The following TMEM132D variants were observed in gnomAD, a reference collection of about 807,000 sequenced individuals.
TMEM132D encodes mature OL transmembrane protein.
In TMEM132D, 21 loss-of-function variants were observed where a neutral mutation model predicts 62.3. That is an observed-to-expected ratio of 0.34 (90% CI 0.24 to 0.49). The LOEUF (loss-of-function observed/expected upper bound fraction) is 0.49, where lower values mean the gene tolerates loss of function less well. Ranked by LOEUF, TMEM132D falls within the 20% of genes least tolerant of loss-of-function variation. The probability of loss-of-function intolerance (pLI) is 0.99; values close to 1 mark genes in which losing one functional copy is unlikely to be tolerated. For synonymous variants in TMEM132D, 621 were observed against 575.6 expected (o/e 1.08, Z -1.13); for missense variants, 1,346 against 1,402.8 (o/e 0.96, Z 0.65).
At chr12:129,807,218 C>G (rs548696175) in intron 1 of TMEM132D, among the ~76,000 whole-genome samples, 91 of 152,282 alleles carry the variant, frequency 6.0e-4, no homozygotes, top group African/African-American at 2.1e-3. Flanking sequence ...GAGCAGCTAC[C>G]CCTGTAGCCA....
At chr12:129,543,425 T>A (rs1445010006) in intron 2 of TMEM132D, among the ~76,000 whole-genome samples, 1 of 151,976 alleles carries the variant, frequency 6.6e-6, no homozygotes, top group East Asian at 1.9e-4. Context: ...TAGATAGATA[T>A]TCCTCAACTT....
chr12:129,747,519 C>T lies in TMEM132D; in HGVS notation c.80-46821G>A, dbSNP rs556592733. On this transcript the variant is annotated intron_variant, in intron 1 of 8. Coordinates refer to ENST00000422113, the MANE Select transcript of TMEM132D (RefSeq NM_133448.3). ...ACACACACTCAGACACACACACACT[C>T]TCACACATTCAGACACACACACTCT... 8.7e-5 allele frequency among the ~76,000 whole-genome samples: 13 copies of T among 149,640 alleles called. No homozygotes were observed. In the South Asian group the frequency reaches 2.3e-3, roughly 27 times the overall value.
chr12:129,620,230 C>T (rs1012743050), intron 2 of TMEM132D, among the ~76,000 whole-genome samples: 9 of 152,192 alleles, frequency 5.9e-5, no homozygotes, highest in Non-Finnish European at 8.8e-5. Flanking sequence ...GTGGCAGCCA[C>T]TTCCCTGCTC....
rs1156279500 is a variant in TMEM132D, at chr12:129,388,608, C to T, written c.1116-50791G>A. On this transcript the variant is annotated intron_variant, in intron 3 of 8. Coordinates refer to ENST00000422113, the MANE Select transcript of TMEM132D (RefSeq NM_133448.3). ...ACCGACACCAATACTAACACCAACA[C>T]CAATCCAGCACTGATGATAATATTA... Among the ~76,000 whole-genome samples the T allele has an allele frequency of 1.6e-5, 2 of 122,656 alleles. 1 individual carries two copies. Among genetic ancestry groups the T allele is most frequent in the Non-Finnish European group, 3.8e-5 (2 of 52,736 alleles). 80.5% of individuals were successfully genotyped at this position (122,656 alleles called of 152,430 possible).
chr12:129,296,881 C>T (rs1000431571), intron 4 of TMEM132D, among the ~76,000 whole-genome samples: 1 of 152,222 alleles, frequency 6.6e-6, no homozygotes, highest in African/African-American at 2.4e-5. Flanking sequence ...AAGCACCAGA[C>T]ATTGCTCACT....
At chr12:129,201,798 G>C (rs1178933963) in intron 5 of TMEM132D, among the ~76,000 whole-genome samples, 1 of 152,098 alleles carries the variant, frequency 6.6e-6, no homozygotes, top group Non-Finnish European at 1.5e-5. Flanking sequence ...GAAGGAGGGA[G>C]GGAGAGGAAG....
chr12:129,212,552 T>C (rs1157719621), intron 4 of TMEM132D: 1 of 152,256 alleles, frequency 6.6e-6, no homozygotes, highest in Non-Finnish European at 1.5e-5. Context: ...ACTGCTCTGA[T>C]TTTTGGACCC....
chr12:129,251,220 G>A (rs1385736874), intron 4 of TMEM132D, among the ~76,000 whole-genome samples: 2 of 152,084 alleles, frequency 1.3e-5, no homozygotes, highest in South Asian at 2.1e-4. Flanking sequence ...TTAGCCGGGT[G>A]TGGTAGTGTG....
At chr12:129,390,614 G>T (rs1004799282) in intron 3 of TMEM132D, among the ~76,000 whole-genome samples, 4 of 152,182 alleles carry the variant, frequency 2.6e-5, no homozygotes, top group African/African-American at 9.7e-5. Context: ...TATAGAAGGA[G>T]CCAGAAGGTC....
chr12:129,310,150 C>G (rs1232309553), intron 4 of TMEM132D, among the ~76,000 whole-genome samples: 3 of 152,132 alleles, frequency 2.0e-5, no homozygotes, highest in Admixed American at 1.3e-4. Context: ...CACAACTGTG[C>G]GTGATTGCTA....
chr12:129,535,359 T>A (rs1485462296), intron 2 of TMEM132D, among the ~76,000 whole-genome samples: 1 of 152,196 alleles, frequency 6.6e-6, no homozygotes, highest in Non-Finnish European at 1.5e-5. Context: ...TGGACAGCCG[T>A]ATCCCCACTG....
intron 5 of TMEM132D, among the ~76,000 whole-genome samples, chr12:129,132,154 C>T (rs1457431447): frequency 1.3e-5 from 2 of 152,152 alleles, no homozygotes; most frequent in Non-Finnish European, 2.9e-5. Flanking sequence ...TTGCTCTAGA[C>T]ATTTTTTCTT....
chr12:129,672,883 G>C (rs1880533278), intron 2 of TMEM132D, among the ~76,000 whole-genome samples: 1 of 152,098 alleles, frequency 6.6e-6, no homozygotes, highest in Non-Finnish European at 1.5e-5. Flanking sequence ...CAGTAGCTGG[G>C]ACTACATGCG....
chr12:129,832,248 A>G (rs1241786065), intron 1 of TMEM132D, among the ~76,000 whole-genome samples: 1 of 151,366 alleles, frequency 6.6e-6, no homozygotes, highest in Non-Finnish European at 1.5e-5. Flanking sequence ...AGAATAACGG[A>G]AAGAAAAGAA....
At position 129,104,233 on chromosome 12, in the gene TMEM132D, C is replaced by T. The variant is rs865876356; in HGVS notation, c.1444-19531G>A. ...AACAGAACAGAGCCCTCAGAAATAACGCCGCATATCTACAACTATCTGATC... is the reference window on the plus strand; with the variant it reads ...AACAGAACAGAGCCCTCAGAAATAATGCCGCATATCTACAACTATCTGATC... On this transcript the variant is annotated intron_variant, in intron 5 of 8. Coordinates refer to ENST00000422113, the MANE Select transcript of TMEM132D (RefSeq NM_133448.3). Among the ~76,000 whole-genome samples, 547 of 151,026 alleles carry T rather than the reference C, an allele frequency of 3.6e-3. 3 individuals carry two copies. The highest frequency in any genetic ancestry group is 0.013 in the African/African-American group (512 of 40,960).
At chr12:129,443,390 A>T (rs567429122) in intron 3 of TMEM132D, among the ~76,000 whole-genome samples, 1 of 152,220 alleles carries the variant, frequency 6.6e-6, no homozygotes, top group Non-Finnish European at 1.5e-5. Flanking sequence ...CCATTCTGAT[A>T]TCATCAAAAA....
chr12:129,792,841 T>G (rs1479752106), intron 1 of TMEM132D, among the ~76,000 whole-genome samples: 5 of 152,104 alleles, frequency 3.3e-5, no homozygotes, highest in African/African-American at 1.2e-4. Context: ...TGACTACACC[T>G]ATAACTATTG....
chr12:129,209,717 C>A, intron 4 of TMEM132D, 54 bp from the exon 5 acceptor site: 1 of 1,601,374 alleles, frequency 6.2e-7, no homozygotes, highest in Non-Finnish European at 8.5e-7. Context: ...CGGCCCAGTC[C>A]CTGGGAGTAT....
At chr12:129,864,469 C>T (rs1231264603) in intron 1 of TMEM132D, among the ~76,000 whole-genome samples, 1 of 152,188 alleles carries the variant, frequency 6.6e-6, no homozygotes, top group African/African-American at 2.4e-5. Flanking sequence ...ACAGGCAGAC[C>T]CATAAGACTC....
Sources: allele counts gnomAD v4.1 joint callset (sites outside exome capture counted in the v4.1 genomes callset), GRCh38; gene constraint gnomAD v4.1.1; transcripts MANE v1.5; gene names NCBI Gene and HGNC (gene_info 2026-07-23, HGNC 2026-07-21).